Variants in CLPB observed in about 807,000 individuals in gnomAD.
CLPB encodes mitochondrial disaggregase.
CLPB carries 40 observed loss-of-function variants against 78.4 expected under a neutral mutation model. The ratio of observed to expected loss-of-function variants is 0.51; its 90% CI spans 0.40 to 0.66. The LOEUF is 0.66. Among genes scored for constraint, CLPB ranks in the 30% least tolerant of loss-of-function variants. The pLI is 0.00. For missense variants in CLPB, 780 were observed against 886.9 expected, an observed-to-expected ratio of 0.88 and a Z score of 1.53; for synonymous variants, 333 against 348.0, an observed-to-expected ratio of 0.96 and a Z score of 0.48.
chr11:72,421,223 G>A (rs1034677842), intron 2 of CLPB, among the ~76,000 whole-genome samples: 8 of 152,116 alleles, frequency 5.3e-5, no homozygotes, highest in African/African-American at 1.9e-4. Context: ...TGGCAGGTGG[G>A]GTTCCCTCTC....
intron 1 of CLPB, among the ~76,000 whole-genome samples, chr11:72,433,540 GAAATAAATAAATAAATAAATAAATAAAT>G (rs563884899): frequency 4.3e-5 from 6 of 138,676 alleles, no homozygotes; most frequent in East Asian, 2.1e-4. Context: ...CTCCATCTCA[GAAATAAATAAATAAATAAATAAATAAAT>G]AAATAAATAA....
At chr11:72,334,629 A>G (rs1363123297) in intron 5 of CLPB, among the ~76,000 whole-genome samples, 3 of 152,244 alleles carry the variant, frequency 2.0e-5, no homozygotes, top group Non-Finnish European at 4.4e-5. Context: ...CTCCAGGGGC[A>G]TCAGGATGGC....
chr11:72,388,706 T>A (rs1855158041), intron 3 of CLPB, among the ~76,000 whole-genome samples: 1 of 152,174 alleles, frequency 6.6e-6, no homozygotes, highest in Non-Finnish European at 1.5e-5. Context: ...CATGTACTTA[T>A]AAAGTATCTA....
chr11:72,397,238 G>A (rs868135132), intron 3 of CLPB, among the ~76,000 whole-genome samples: 16 of 152,280 alleles, frequency 1.1e-4, no homozygotes, highest in Middle Eastern at 6.8e-3. Flanking sequence ...TGTTTTTACC[G>A]TATGGATATA....
intron 6 of CLPB, among the ~76,000 whole-genome samples, chr11:72,319,950 C>T (rs77116649): frequency 0.022 from 3,292 of 152,296 alleles, 110 homozygotes; most frequent in African/African-American, 0.076. Flanking sequence ...AGAAGAGTTA[C>T]CCTGGCTCAA....
intron 5 of CLPB, among the ~76,000 whole-genome samples, chr11:72,331,389 G>A (rs1306687864): frequency 6.7e-6 from 1 of 150,178 alleles, no homozygotes; most frequent in African/African-American, 2.4e-5. Context: ...GGGCGACAGA[G>A]CGAGACTCTG....
chr11:72,393,324 G>A (rs1478602208), intron 3 of CLPB, among the ~76,000 whole-genome samples: 3 of 152,096 alleles, frequency 2.0e-5, no homozygotes, highest in African/African-American at 7.2e-5. Flanking sequence ...CAGTATGATG[G>A]GGCTGGCATA....
At chr11:72,410,263 T>C (rs531792058) in intron 2 of CLPB, among the ~76,000 whole-genome samples, 96 of 152,228 alleles carry the variant, frequency 6.3e-4, no homozygotes, top group African/African-American at 2.3e-3. Flanking sequence ...CCAGGCTCTG[T>C]TACTTACTAA....
chr11:72,428,796 A>G (rs1856462812), intron 2 of CLPB: 1 of 152,250 alleles, frequency 6.6e-6, no homozygotes, highest in Admixed American at 6.5e-5. Flanking sequence ...TCTGAATCAC[A>G]CATACACCGT....
Position 72,293,393 on chromosome 11 carries a change from G to A in CLPB, c.2008C>T (p.Pro670Ser). The change falls in exon 16 of 16, where the codon CCT (proline) becomes TCT (serine). Residue 670 changes from proline to serine, a missense_variant. Physicochemically the swap from Pro to Ser is moderately conservative, Grantham distance 74 (BLOSUM62 -1). Coordinates refer to ENST00000538039, the MANE Select transcript of CLPB (RefSeq NM_001258392.3). ...RRLDIRAPLH[P>S]EKVCNTI ...TAGATGGTGTTGCACACCTTCTCAG[G>A]GTGCAGTGGTGCCCGGATGTCCAGT... The A allele has an allele frequency of 6.2e-7, 1 of 1,614,092 alleles. No individual in the cohort carries two copies. Among genetic ancestry groups the A allele is most frequent in the Non-Finnish European group, 8.5e-7 (1 of 1,179,986 alleles).
At chr11:72,304,618 AAAAT>A (rs1256175635) in intron 9 of CLPB, among the ~76,000 whole-genome samples, 2 of 152,228 alleles carry the variant, frequency 1.3e-5, no homozygotes, top group Non-Finnish European at 2.9e-5. Flanking sequence ...ATGAGAGAAA[AAAAT>A]AAGTTCACAG....
intron 2 of CLPB, chr11:72,410,973 G>C (rs1855860354): frequency 6.6e-6 from 1 of 151,952 alleles, no homozygotes; most frequent in African/African-American, 2.4e-5. Flanking sequence ...AAAAAAAAAA[G>C]TCCTATACTT....
intron 2 of CLPB, among the ~76,000 whole-genome samples, chr11:72,417,037 GT>G (rs1481320752): frequency 2.0e-5 from 3 of 152,152 alleles, no homozygotes; most frequent in Admixed American, 2.0e-4. Context: ...TAAATGTACA[GT>G]TACTCTATGG....
chr11:72,344,095 G>A (rs750868235), intron 5 of CLPB, among the ~76,000 whole-genome samples: 7 of 152,096 alleles, frequency 4.6e-5, no homozygotes, highest in Non-Finnish European at 8.8e-5. Flanking sequence ...TGTGCTGAGA[G>A]GTAGGGCTAT....
chr11:72,293,954 G>T, intron 15 of CLPB, 68 bp downstream of exon 15: 1 of 1,366,070 alleles, frequency 7.3e-7, no homozygotes, highest in Non-Finnish European at 1.0e-6. Flanking sequence ...AGAGCTCAGG[G>T]ACTGGGTCTG....
intron 3 of CLPB, among the ~76,000 whole-genome samples, chr11:72,395,356 T>G (rs1223422516): frequency 6.6e-6 from 1 of 152,118 alleles, no homozygotes; most frequent in East Asian, 1.9e-4. Flanking sequence ...ATGGCCTTGC[T>G]CCCGGCCCCT....
intron 2 of CLPB, among the ~76,000 whole-genome samples, chr11:72,413,117 C>CGTCTCTACTA (rs912741748): frequency 6.6e-6 from 1 of 151,928 alleles, no homozygotes; most frequent in African/African-American, 2.4e-5. Context: ...GGAGAAACCC[C>CGTCTCTACTA]GTCTCTACTA....
intron 5 of CLPB, among the ~76,000 whole-genome samples, chr11:72,341,957 A>G (rs1950427959): frequency 6.6e-6 from 1 of 152,182 alleles, no homozygotes; most frequent in South Asian, 2.1e-4. Flanking sequence ...AGTCCAGGTG[A>G]GAGTGATGAA....
At chr11:72,331,739 A>G (rs958797811) in intron 5 of CLPB, among the ~76,000 whole-genome samples, 2 of 151,708 alleles carry the variant, frequency 1.3e-5, no homozygotes, top group East Asian at 2.0e-4. Context: ...ATGCCTGGCT[A>G]ATTTTTGTAT....
Sources: gnomAD v4.1 joint callset for allele counts (sites outside exome capture counted in the v4.1 genomes callset) on GRCh38, gnomAD v4.1.1 for gene constraint, MANE v1.5 for transcripts, NCBI Gene and HGNC (gene_info 2026-07-23, HGNC 2026-07-21) for gene names.